CS: variants seen among roughly 807,000 people sequenced by gnomAD.
CS encodes citrate synthase, mitochondrial.
Under a neutral mutation model 61.4 loss-of-function variants are expected in CS, and 13 were observed. The observed-to-expected ratio is 0.21, with a 90% confidence interval of 0.14 to 0.34. CS has a LOEUF of 0.34. Ranked by LOEUF, CS falls within the 10% of genes least tolerant of loss-of-function variation. The pLI is 1.00. For missense variants in CS, 278 were observed against 573.4 expected, an observed-to-expected ratio of 0.48 and a Z score of 5.26; for synonymous variants, 159 against 215.2, an observed-to-expected ratio of 0.74 and a Z score of 2.29.
chr12:56,282,808 A>C, intron 5 of CS, 52 bp downstream of exon 5: 3 of 1,608,672 alleles, frequency 1.9e-6, no homozygotes, highest in Non-Finnish European at 2.6e-6. Flanking sequence ...AGATTAGAGA[A>C]AGGCAATGAA....
At chr12:56,280,934 T>A (rs1872762101) in intron 6 of CS, among the ~76,000 whole-genome samples, 1 of 152,202 alleles carries the variant, frequency 6.6e-6, no homozygotes, top group African/African-American at 2.4e-5. Context: ...CAATTTTAAA[T>A]GCTCTCTGTC....
At chr12:56,279,687 A>AC (rs1872716795) in intron 6 of CS, among the ~76,000 whole-genome samples, 1 of 151,862 alleles carries the variant, frequency 6.6e-6, no homozygotes, top group African/African-American at 2.4e-5. Flanking sequence ...AATTGCTTGA[A>AC]CCAGGGAGGC....
chr12:56,283,142 G>T, intron 4 of CS, 151 bp from the exon 5 acceptor site: 5 of 864,792 alleles, frequency 5.8e-6, no homozygotes, highest in Non-Finnish European at 8.8e-6. Flanking sequence ...ATGTTGCTCA[G>T]ACTGGTCCCG....
intron 9 of CS, chr12:56,274,042 G>A (rs1272039863): frequency 1.0e-5 from 5 of 495,004 alleles, no homozygotes; most frequent in South Asian, 6.4e-5. Context: ...GGCCGTGTGC[G>A]GTGGCTCATG....
rs190112730 is a variant in CS at position 56,283,045 on chromosome 12, C to T, written c.268-54G>A. On this transcript the variant is annotated intron_variant, in intron 4 of 10. Coordinates refer to ENST00000351328, the MANE Select transcript of CS (RefSeq NM_004077.3). ...TCAAGTTTATAGCCTAGAAGTCACA[C>T]GACTGGTCTTACTCATCAGACCTTA... 147 of 1,599,378 alleles carry T rather than the reference C, an allele frequency of 9.2e-5. No individual in the cohort carries two copies. The East Asian group carries it at 2.1e-3, about 23-fold the overall frequency.
In CS at chr12:56,273,584, T is replaced by C; in HGVS notation, c.1230+3A>G. 6.2e-7 allele frequency: 1 copy of C among 1,613,756 alleles called. No homozygotes were observed. The highest frequency in any genetic ancestry group is 8.5e-7 in the Non-Finnish European group (1 of 1,179,696). ...GAGGGAAAAGAGGGAAAGGAGGACT[T>C]ACCTGGAGCAGCACCCCACTGTGAG... On this transcript the variant is annotated splice_donor_region_variant and intron_variant, in intron 10 of 10. Coordinates refer to ENST00000351328, the MANE Select transcript of CS (RefSeq NM_004077.3).
At chr12:56,294,674 C>T (rs1204470345) in intron 1 of CS, among the ~76,000 whole-genome samples, 1 of 151,766 alleles carries the variant, frequency 6.6e-6, no homozygotes, top group Non-Finnish European at 1.5e-5. Flanking sequence ...TCAAGCGATT[C>T]TCCTGCCTCA....
intron 3 of CS, chr12:56,285,164 T>TCGAACTCCTGACCTCAGATGAGCCACC: frequency 3.4e-6 from 1 of 291,544 alleles, no homozygotes; most frequent in South Asian, 2.7e-5. Context: ...CAGGCTGGTC[T>TCGAACTCCTGACCTCAGATGAGCCACC]CGAACTCCTG....
At chr12:56,281,353 G>C (rs565381239) in intron 6 of CS, among the ~76,000 whole-genome samples, 2 of 152,176 alleles carry the variant, frequency 1.3e-5, no homozygotes, top group Non-Finnish European at 2.9e-5. Context: ...CCCAACCAGC[G>C]TTGTAAACTA....
intron 3 of CS, chr12:56,285,228 G>C (rs556212018): frequency 3.1e-5 from 14 of 445,866 alleles, no homozygotes; most frequent in African/African-American, 2.2e-4. Flanking sequence ...TTACAGGCAT[G>C]AGCCACTGCA....
chr12:56,283,881 A>G (rs1172569974), intron 3 of CS, 24 bp from the exon 4 acceptor site: 2 of 1,415,046 alleles, frequency 1.4e-6, no homozygotes, highest in African/African-American at 2.9e-5. Context: ...AGAAAGAAGG[A>G]AAAAAAAAAG....
At chr12:56,285,469 A>G (rs561212050) in intron 3 of CS, among the ~76,000 whole-genome samples, 46 of 152,204 alleles carry the variant, frequency 3.0e-4, no homozygotes, top group African/African-American at 1.1e-3. Flanking sequence ...TTTTTCTTTC[A>G]TAGAGATTGT....
intron 1 of CS, among the ~76,000 whole-genome samples, chr12:56,295,660 G>A (rs975821846): frequency 2.0e-5 from 3 of 151,512 alleles, no homozygotes; most frequent in Admixed American, 1.3e-4. Context: ...CTAGAAGTTC[G>A]TAGAAGTTTT....
chr12:56,280,422 AAAC>A (rs1295088820), intron 6 of CS, among the ~76,000 whole-genome samples: 2 of 105,898 alleles, frequency 1.9e-5, no homozygotes, highest in Non-Finnish European at 4.5e-5. Context: ...CTCCCAAAAA[AAAC>A]AAAAAAAAAA....
intron 1 of CS, among the ~76,000 whole-genome samples, chr12:56,298,381 T>C (rs957351276): frequency 3.3e-5 from 5 of 152,122 alleles, no homozygotes; most frequent in Admixed American, 2.0e-4. Context: ...AGGAAAATAA[T>C]GGTACCATAA....
At chr12:56,296,748 T>C (rs1342872465) in intron 1 of CS, among the ~76,000 whole-genome samples, 1 of 152,142 alleles carries the variant, frequency 6.6e-6, no homozygotes, top group Non-Finnish European at 1.5e-5. Flanking sequence ...TTCATTCACC[T>C]GCTACCAACC....
chr12:56,277,331 C>G (rs1450214018), intron 6 of CS, among the ~76,000 whole-genome samples: 1 of 151,040 alleles, frequency 6.6e-6, no homozygotes, highest in African/African-American at 2.4e-5. Flanking sequence ...AACCCCGTCT[C>G]TACTAAAAAT....
At chr12:56,283,282 C>T (rs963822842) in intron 4 of CS, among the ~76,000 whole-genome samples, 3 of 152,016 alleles carry the variant, frequency 2.0e-5, no homozygotes, top group Non-Finnish European at 2.9e-5. Flanking sequence ...CTCACACTGT[C>T]GCCCAGGCTG....
intron 1 of CS, among the ~76,000 whole-genome samples, chr12:56,293,691 G>A (rs773681327): frequency 3.3e-5 from 5 of 152,126 alleles, no homozygotes; most frequent in African/African-American, 9.7e-5. Flanking sequence ...TCCAGCCTGG[G>A]TGACAGAGCA....
Sources: gnomAD v4.1 joint callset for allele counts (sites outside exome capture counted in the v4.1 genomes callset) on GRCh38, gnomAD v4.1.1 for gene constraint, MANE v1.5 for transcripts, NCBI Gene and HGNC (gene_info 2026-07-23, HGNC 2026-07-21) for gene names.